Variants in LRMDA observed in about 807,000 individuals in gnomAD.
LRMDA encodes leucine-rich melanocyte differentiation-associated protein.
Under a neutral mutation model 29.8 loss-of-function variants are expected in LRMDA, and 18 were observed. The ratio of observed to expected loss-of-function variants is 0.60; its 90% CI spans 0.42 to 0.90. The LOEUF is 0.90. Ranked by LOEUF, LRMDA falls within the 40% of genes least tolerant of loss-of-function variation. The pLI is 0.00. For synonymous variants in LRMDA, 125 were observed against 109.4 expected, an observed-to-expected ratio of 1.14 and a Z score of -0.89; for missense variants, 273 against 273.9, an observed-to-expected ratio of 1.00 and a Z score of 0.02.
intron 2 of LRMDA, among the ~76,000 whole-genome samples, chr10:75,678,769 A>T (rs1841990381): frequency 6.6e-6 from 1 of 152,202 alleles, no homozygotes; most frequent in Non-Finnish European, 1.5e-5. Context: ...AGTCAAAATT[A>T]GCTTTTTGTA....
intron 2 of LRMDA, among the ~76,000 whole-genome samples, chr10:75,983,732 G>A (rs1035971171): frequency 6.6e-6 from 1 of 152,156 alleles, no homozygotes; most frequent in South Asian, 2.1e-4. Context: ...TTGGCTAACT[G>A]CAACCTCTGC....
rs1842891603 is a variant in LRMDA at position 76,498,564 on chromosome 10, G to C, written c.602-58645G>C. 2.6e-5 allele frequency among the ~76,000 whole-genome samples: 2 copies of C among 76,062 alleles called. 1 individual carries two copies. Among genetic ancestry groups the C allele is most frequent in the Non-Finnish European group, 8.7e-5 (2 of 22,858 alleles). The allele number at this position is 76,062 out of a possible 152,430, so 49.9% of individuals were successfully genotyped here. A position where few individuals can be genotyped will look rare whatever the true frequency, so the allele number is the denominator to read the frequency against. ...AGCCTTTTCCTATGAAAACTCTCAG[G>C]TTTTGTCAGCTGGGTCAATCCATTG... On this transcript the variant is annotated intron_variant, in intron 6 of 6. Transcript: ENST00000611255.
At position 75,763,779 on chromosome 10, in the gene LRMDA, G is replaced by T. The variant is rs536444327; in HGVS notation, c.132-272229G>T. Among the ~76,000 whole-genome samples, 84 of 151,080 alleles carry T rather than the reference G, an allele frequency of 5.6e-4. No homozygotes were observed. In the South Asian group the frequency reaches 0.017, roughly 31 times the overall value. On this transcript the variant is annotated intron_variant, in intron 2 of 6. Coordinates refer to ENST00000611255, the MANE Select transcript of LRMDA (RefSeq NM_001305581.2). ...AAACCTGGTTGGGAGGTAGTGTGTT[G>T]TATTGGATAGAGCCCTAGAGTTGGG...
chr10:75,901,154 T>C (rs751195188), intron 2 of LRMDA, among the ~76,000 whole-genome samples: 4 of 152,198 alleles, frequency 2.6e-5, no homozygotes, highest in Admixed American at 2.0e-4. Flanking sequence ...TTTCTATCTC[T>C]GTGTGAGTCA....
At chr10:76,254,358 C>CCTATGCTATG (rs56303431) in intron 5 of LRMDA, among the ~76,000 whole-genome samples, 34,173 of 131,376 alleles carry the variant, frequency 0.26, 5,241 homozygotes, top group Non-Finnish European at 0.3. Context: ...CCTATCCTAT[C>CCTATGCTATG]CTATGCTATG....
At chr10:76,171,454 C>T (rs1416428169) in intron 5 of LRMDA, among the ~76,000 whole-genome samples, 1 of 152,176 alleles carries the variant, frequency 6.6e-6, no homozygotes, top group Non-Finnish European at 1.5e-5. Context: ...TTGATACATT[C>T]AGAAAGGAAA....
At chr10:75,785,936 T>TGACCAACC (rs1843464480) in intron 2 of LRMDA, among the ~76,000 whole-genome samples, 1 of 152,228 alleles carries the variant, frequency 6.6e-6, no homozygotes, top group African/African-American at 2.4e-5. Context: ...CTTGGACAAC[T>TGACCAACC]GACCAACCCT....
intron 2 of LRMDA, among the ~76,000 whole-genome samples, chr10:75,923,535 C>T (rs146941712): frequency 1.1e-4 from 17 of 152,258 alleles, no homozygotes; most frequent in South Asian, 4.1e-4. Context: ...TCTCAGTCTC[C>T]GATCCTTCCC....
At chr10:76,132,966 CTTTTT>C (rs35997711) in intron 5 of LRMDA, among the ~76,000 whole-genome samples, 2 of 57,372 alleles carry the variant, frequency 3.5e-5, no homozygotes, top group African/African-American at 6.9e-5. Context: ...CCACGCCCGG[CTTTTT>C]TTTTTTTTTT....
At chr10:75,746,147 T>G (rs1279999579) in intron 2 of LRMDA, among the ~76,000 whole-genome samples, 3 of 152,242 alleles carry the variant, frequency 2.0e-5, no homozygotes, top group Non-Finnish European at 2.9e-5. Flanking sequence ...GCAGGCTTGG[T>G]ACTTTCTGTA....
At chr10:76,418,201 T>C (rs1207453216) in intron 6 of LRMDA, among the ~76,000 whole-genome samples, 2 of 152,116 alleles carry the variant, frequency 1.3e-5, no homozygotes, top group Non-Finnish European at 2.9e-5. Flanking sequence ...TTATTTTGAA[T>C]TTATAGGCCA....
chr10:75,938,759 C>A (rs549492469), intron 2 of LRMDA, among the ~76,000 whole-genome samples: 1 of 152,276 alleles, frequency 6.6e-6, no homozygotes, highest in Non-Finnish European at 1.5e-5. Flanking sequence ...TGAAATGAGA[C>A]TTGGATGAAG....
At chr10:76,273,055 T>C (rs1193776672) in intron 5 of LRMDA, among the ~76,000 whole-genome samples, 3 of 152,258 alleles carry the variant, frequency 2.0e-5, no homozygotes, top group African/African-American at 7.2e-5. Context: ...TTTTTTCTTG[T>C]AGGCTTGCAT....
intron 5 of LRMDA, among the ~76,000 whole-genome samples, chr10:76,312,758 G>A (rs1173353143): frequency 1.3e-5 from 2 of 151,608 alleles, no homozygotes; most frequent in Admixed American, 6.6e-5. Flanking sequence ...TTTGCTCCCA[G>A]AAGGGATCTC....
intron 4 of LRMDA, among the ~76,000 whole-genome samples, chr10:76,048,106 C>G (rs1589302948): frequency 6.6e-6 from 1 of 152,174 alleles, no homozygotes; most frequent in Admixed American, 6.5e-5. Context: ...ATGGACCTCT[C>G]TCTCCATTAT....
chr10:76,320,404 A>C (rs1840756511), intron 5 of LRMDA, among the ~76,000 whole-genome samples: 1 of 152,186 alleles, frequency 6.6e-6, no homozygotes, highest in Non-Finnish European at 1.5e-5. Flanking sequence ...CATATTTACC[A>C]TCATCTGCTT....
chr10:76,322,337 T>G (rs1309388729), intron 5 of LRMDA, among the ~76,000 whole-genome samples: 1 of 146,966 alleles, frequency 6.8e-6, no homozygotes, highest in Non-Finnish European at 1.5e-5. Flanking sequence ...GTTGGATCAT[T>G]GATTTGTAGT....
Position 75,472,208 on chromosome 10 carries a change from C to T in LRMDA, c.131+33714C>T, listed in dbSNP as rs564294793. On this transcript the variant is annotated intron_variant, in intron 2 of 6. Coordinates refer to ENST00000611255, the MANE Select transcript of LRMDA (RefSeq NM_001305581.2). Reference sequence around the variant, plus strand: ...CTGCCAATGTTGATTTCTCCTTGCCCCAAACTCCCTGAAACTCCACCCTTT... The same window carrying T: ...CTGCCAATGTTGATTTCTCCTTGCCTCAAACTCCCTGAAACTCCACCCTTT... Among the ~76,000 whole-genome samples, 11 of 152,250 alleles carry T rather than the reference C, an allele frequency of 7.2e-5. No individual in the cohort carries two copies. In the South Asian group the frequency reaches 2.3e-3, roughly 32 times the overall value.
chr10:76,111,809 T>G (rs1305148133), intron 5 of LRMDA, among the ~76,000 whole-genome samples: 1 of 150,748 alleles, frequency 6.6e-6, no homozygotes, highest in Non-Finnish European at 1.5e-5. Flanking sequence ...GAAATGGGGG[T>G]GGGGGGGGGC....
Sources: allele counts gnomAD v4.1 joint callset (sites outside exome capture counted in the v4.1 genomes callset), GRCh38; gene constraint gnomAD v4.1.1; transcripts MANE v1.5; gene names NCBI Gene and HGNC (gene_info 2026-07-23, HGNC 2026-07-21).